Variants in TBC1D12 observed in about 807,000 individuals in gnomAD.
TBC1D12 encodes TBC1 domain family, member 12.
In TBC1D12, 56 loss-of-function variants were observed where a neutral mutation model predicts 86.7. The observed-to-expected ratio is 0.65, with a 90% CI of 0.52 to 0.81. TBC1D12 has a LOEUF of 0.81. TBC1D12 is among the 30% of genes least tolerant of loss of function. TBC1D12 has a pLI of 0.00. For synonymous variants in TBC1D12, 421 were observed against 411.7 expected, an observed-to-expected ratio of 1.02 and a Z score of -0.27; for missense variants, 1,023 against 1,038.8, an observed-to-expected ratio of 0.98 and a Z score of 0.21.
intron 1 of TBC1D12, among the ~76,000 whole-genome samples, chr10:94,406,662 CCT>C (rs1403585493): frequency 6.6e-6 from 1 of 152,150 alleles, no homozygotes; most frequent in African/African-American, 2.4e-5. Context: ...AGAAATTACC[CCT>C]GTCTCACAAC....
chr10:94,472,850 A>G (rs1038890985), intron 2 of TBC1D12, among the ~76,000 whole-genome samples: 3 of 152,166 alleles, frequency 2.0e-5, no homozygotes, highest in Admixed American at 6.5e-5. Flanking sequence ...ATAATTTGAT[A>G]GAGGAGAAGT....
intron 4 of TBC1D12, among the ~76,000 whole-genome samples, chr10:94,494,134 C>G (rs2134177883): frequency 6.6e-6 from 1 of 152,054 alleles, no homozygotes; most frequent in African/African-American, 2.4e-5. Flanking sequence ...TAAAAGTATA[C>G]TCTTGTGTGT....
At chr10:94,498,041 G>T (rs1453862043) in intron 5 of TBC1D12, among the ~76,000 whole-genome samples, 2 of 151,842 alleles carry the variant, frequency 1.3e-5, no homozygotes, top group Admixed American at 6.6e-5. Context: ...GGATGGTCTC[G>T]ATCTCCTGAC....
At chr10:94,479,136 C>T (rs1406033906) in intron 3 of TBC1D12, among the ~76,000 whole-genome samples, 1 of 152,086 alleles carries the variant, frequency 6.6e-6, no homozygotes, top group Admixed American at 6.5e-5. Context: ...TAGAGGAATT[C>T]ATTGCAAGGT....
At chr10:94,407,901 G>A (rs891270976) in intron 1 of TBC1D12, among the ~76,000 whole-genome samples, 1 of 152,150 alleles carries the variant, frequency 6.6e-6, no homozygotes, top group African/African-American at 2.4e-5. Context: ...AAGAGTTCAA[G>A]GCTGCAGTGA....
At chr10:94,416,304 TGATA>T (rs1564936372) in intron 1 of TBC1D12, among the ~76,000 whole-genome samples, 1 of 152,240 alleles carries the variant, frequency 6.6e-6, no homozygotes, top group Non-Finnish European at 1.5e-5. Context: ...TTTAGACATC[TGATA>T]GATGTTATTT....
chr10:94,440,013 G>T (rs945124), intron 1 of TBC1D12, among the ~76,000 whole-genome samples: 149,813 of 152,308 alleles, frequency 0.98, 73,725 homozygotes, highest in East Asian at 1. Context: ...TATTGAAAAC[G>T]TTCACCTATT....
At chr10:94,422,102 A>G (rs1039747022) in intron 1 of TBC1D12, among the ~76,000 whole-genome samples, 18 of 150,708 alleles carry the variant, frequency 1.2e-4, no homozygotes, top group African/African-American at 3.9e-4. Context: ...TAAGATGTGT[A>G]TTTAGCTATC....
intron 1 of TBC1D12, among the ~76,000 whole-genome samples, chr10:94,415,593 G>T (rs1356973475): frequency 6.6e-6 from 1 of 152,130 alleles, no homozygotes; most frequent in African/African-American, 2.4e-5. Context: ...AACTAGCTGG[G>T]CATGGTGGCG....
intron 1 of TBC1D12, among the ~76,000 whole-genome samples, chr10:94,418,222 A>G (rs1009610876): frequency 1.3e-5 from 2 of 152,186 alleles, no homozygotes; most frequent in African/African-American, 4.8e-5. Context: ...ATCTAGCTCT[A>G]TTAATTCTCA....
intron 1 of TBC1D12, among the ~76,000 whole-genome samples, chr10:94,423,322 T>C (rs2055102172): frequency 6.7e-6 from 1 of 148,414 alleles, no homozygotes; most frequent in Non-Finnish European, 1.5e-5. Context: ...ACACGAATTA[T>C]CAGTTCAAGC....
At chr10:94,507,469 C>A in intron 7 of TBC1D12, 122 bp downstream of exon 7, 3 of 902,154 alleles carry the variant, frequency 3.3e-6, no homozygotes, top group Middle Eastern at 2.6e-4. Context: ...TTTCAGTAAA[C>A]AAGGCTAGAA....
intron 3 of TBC1D12, among the ~76,000 whole-genome samples, chr10:94,490,992 T>C (rs906112239): frequency 3.9e-5 from 6 of 152,158 alleles, no homozygotes; most frequent in Non-Finnish European, 7.4e-5. Context: ...TTTGTAACTT[T>C]TAGCTGTCTT....
chr10:94,516,316 A>G (rs1236215864), intron 9 of TBC1D12, among the ~76,000 whole-genome samples: 2 of 152,210 alleles, frequency 1.3e-5, no homozygotes, highest in Non-Finnish European at 2.9e-5. Flanking sequence ...AATTATTAGT[A>G]TAACTGATCA....
At chr10:94,443,363 A>G (rs1361979747) in intron 2 of TBC1D12, among the ~76,000 whole-genome samples, 2 of 152,178 alleles carry the variant, frequency 1.3e-5, no homozygotes, top group African/African-American at 2.4e-5. Flanking sequence ...GGCTGTCTTC[A>G]AACTCCTGGG....
chr10:94,452,696 G>A (rs1015009853), intron 2 of TBC1D12, among the ~76,000 whole-genome samples: 1 of 152,134 alleles, frequency 6.6e-6, no homozygotes, highest in African/African-American at 2.4e-5. Context: ...ACTGAAGGAC[G>A]TCTTAGTTGC....
At chr10:94,459,793 T>C (rs904173454) in intron 2 of TBC1D12, among the ~76,000 whole-genome samples, 1 of 152,124 alleles carries the variant, frequency 6.6e-6, no homozygotes, top group Non-Finnish European at 1.5e-5. Flanking sequence ...CAGCTCCAAG[T>C]GTGGGGCTTG....
At chr10:94,500,389 C>A in intron 6 of TBC1D12, 62 bp downstream of exon 6, 2 of 1,405,488 alleles carry the variant, frequency 1.4e-6, no homozygotes, top group South Asian at 1.3e-5. Context: ...AGTTACATAG[C>A]AGATTAGTAG....
intron 5 of TBC1D12, 46 bp from the exon 6 acceptor site, chr10:94,500,175 G>T: frequency 6.5e-7 from 1 of 1,546,564 alleles, no homozygotes; most frequent in Non-Finnish European, 8.8e-7. Context: ...TAGTATTTTT[G>T]GTATAAAAAG....
Sources: gnomAD v4.1 joint callset for allele counts (sites outside exome capture counted in the v4.1 genomes callset) on GRCh38, gnomAD v4.1.1 for gene constraint, MANE v1.5 for transcripts, NCBI Gene and HGNC (gene_info 2026-07-23, HGNC 2026-07-21) for gene names.